Variants in STK31 observed in about 807,000 individuals in gnomAD.
The protein encoded by STK31 is serine/threonine-protein kinase 31.
STK31 carries 89 observed loss-of-function variants against 129.7 expected under a neutral mutation model. The ratio of observed to expected loss-of-function variants is 0.69; its 90% CI spans 0.58 to 0.82. The LOEUF (loss-of-function observed/expected upper bound fraction) is 0.82, where lower values mean the gene tolerates loss of function less well. Among genes scored for constraint, STK31 ranks in the 40% least tolerant of loss-of-function variants. STK31 has a pLI of 0.00. For synonymous variants in STK31, 448 were observed against 395.3 expected (o/e 1.13, Z -1.58); for missense variants, 1,187 against 1,176.4 (o/e 1.01, Z -0.13).
chr7:23,713,629 T>G (rs1455246322), intron 3 of STK31, among the ~76,000 whole-genome samples: 2 of 152,168 alleles, frequency 1.3e-5, no homozygotes, highest in Non-Finnish European at 2.9e-5. Flanking sequence ...ACTTTTAATT[T>G]TTTTTTACTT....
At chr7:23,801,098 G>T (rs1792339609) in intron 22 of STK31, among the ~76,000 whole-genome samples, 2 of 152,150 alleles carry the variant, frequency 1.3e-5, no homozygotes. Context: ...GGGTCAGATT[G>T]TAATCGTATG....
chr7:23,775,476 C>G (rs1790480046), intron 15 of STK31, among the ~76,000 whole-genome samples: 2 of 152,082 alleles, frequency 1.3e-5, no homozygotes, highest in African/African-American at 4.8e-5. Context: ...AAAATTTTTT[C>G]CATTTGTTTG....
At chr7:23,710,479 G>T (rs1785874284) in intron 1 of STK31, 144 bp downstream of exon 1, 1 of 1,522,930 alleles carries the variant, frequency 6.6e-7, no homozygotes, top group African/African-American at 1.4e-5. Flanking sequence ...CACCCCAGAG[G>T]GGTGCCAGAT....
At chr7:23,777,801 C>G (rs1367280376) in intron 15 of STK31, among the ~76,000 whole-genome samples, 1 of 151,908 alleles carries the variant, frequency 6.6e-6, no homozygotes, top group African/African-American at 2.4e-5. Flanking sequence ...TTTGCCAGTC[C>G]TTGTCTTTTA....
chr7:23,757,185 A>G (rs1479151383), intron 10 of STK31, among the ~76,000 whole-genome samples: 1 of 152,034 alleles, frequency 6.6e-6, no homozygotes, highest in Non-Finnish European at 1.5e-5. Context: ...TTATTGGTCT[A>G]TTCAGGGATT....
At chr7:23,712,938 A>T (rs1425905186) in intron 3 of STK31, among the ~76,000 whole-genome samples, 1 of 152,206 alleles carries the variant, frequency 6.6e-6, no homozygotes, top group African/African-American at 2.4e-5. Flanking sequence ...TACTCCCTAC[A>T]GCATGGGAAC....
intron 8 of STK31, among the ~76,000 whole-genome samples, chr7:23,743,684 A>G (rs1245366515): frequency 6.6e-6 from 1 of 152,086 alleles, no homozygotes; most frequent in Non-Finnish European, 1.5e-5. Context: ...CTCTTGCTAG[A>G]CTTGGGAAGT....
At chr7:23,776,715 C>T (rs1236609520) in intron 15 of STK31, among the ~76,000 whole-genome samples, 1 of 151,970 alleles carries the variant, frequency 6.6e-6, no homozygotes, top group East Asian at 1.9e-4. Flanking sequence ...TTTGATTCTT[C>T]TTTATTAGTC....
chr7:23,730,609 T>C (rs1321548285), intron 6 of STK31, among the ~76,000 whole-genome samples: 4 of 151,794 alleles, frequency 2.6e-5, no homozygotes, highest in Non-Finnish European at 5.9e-5. Context: ...TATAGGGAAA[T>C]TGTAGTCTAG....
chr7:23,824,073 C>T (rs953214047), intron 23 of STK31, among the ~76,000 whole-genome samples: 4 of 152,112 alleles, frequency 2.6e-5, no homozygotes, highest in Non-Finnish European at 5.9e-5. Context: ...ATTGACTTGG[C>T]AATGCGGGCT....
chr7:23,817,563 T>C (rs1793548983), intron 23 of STK31, among the ~76,000 whole-genome samples: 1 of 152,204 alleles, frequency 6.6e-6, no homozygotes, highest in South Asian at 2.1e-4. Flanking sequence ...ACCTTACAGA[T>C]ACCATACCAC....
At chr7:23,800,952 A>G (rs1181684706) in intron 22 of STK31, among the ~76,000 whole-genome samples, 2 of 152,052 alleles carry the variant, frequency 1.3e-5, no homozygotes, top group African/African-American at 2.4e-5. Context: ...TTGTTTGTTC[A>G]CCTGTTGCAG....
chr7:23,784,569 G>T (rs1791145576), intron 17 of STK31, among the ~76,000 whole-genome samples: 1 of 152,024 alleles, frequency 6.6e-6, no homozygotes, highest in South Asian at 2.1e-4. Flanking sequence ...TAAAAGGTTT[G>T]ACTCATGGTT....
intron 23 of STK31, among the ~76,000 whole-genome samples, chr7:23,816,053 T>G (rs929745563): frequency 3.3e-5 from 5 of 152,106 alleles, no homozygotes; most frequent in African/African-American, 1.2e-4. Flanking sequence ...TATAATACCT[T>G]CTAATGTCCC....
At chr7:23,720,203 C>CATGG (rs1205960626) in intron 4 of STK31, among the ~76,000 whole-genome samples, 1 of 152,148 alleles carries the variant, frequency 6.6e-6, no homozygotes, top group Non-Finnish European at 1.5e-5. Context: ...GTGAAATGAA[C>CATGG]ATGGCATGGG....
chr7:23,821,695 C>A (rs1793793501), intron 23 of STK31, among the ~76,000 whole-genome samples: 1 of 151,984 alleles, frequency 6.6e-6, no homozygotes, highest in South Asian at 2.1e-4. Context: ...GTTGCCTGTG[C>A]TTTTGAGGTC....
rs1793012395 is a variant in STK31 at position 23,810,403 on chromosome 7, T to G, written c.2761-4741T>G. ...AGGCCATTTACATTTAGGGTAATTA[T>G]TGATATTTTAGGGCTTAAATCTACC... On this transcript the variant is annotated intron_variant, in intron 22 of 23. Transcript: ENST00000355870. 2.7e-5 allele frequency among the ~76,000 whole-genome samples: 4 copies of G among 150,694 alleles called. No individual in the cohort carries two copies. In the South Asian group the frequency reaches 8.3e-4, roughly 31 times the overall value.
chr7:23,753,792 C>T (rs1292373998), intron 9 of STK31, among the ~76,000 whole-genome samples: 1 of 152,014 alleles, frequency 6.6e-6, no homozygotes, highest in African/African-American at 2.4e-5. Context: ...GTATAGGACA[C>T]GTATATTTTA....
chr7:23,715,383 C>T (rs776247960), intron 3 of STK31, among the ~76,000 whole-genome samples: 2 of 151,158 alleles, frequency 1.3e-5, no homozygotes, highest in African/African-American at 2.4e-5. Flanking sequence ...TTTGGGAGAC[C>T]TATGTGAGAG....
Sources: gnomAD v4.1 joint callset for allele counts (sites outside exome capture counted in the v4.1 genomes callset) on GRCh38, gnomAD v4.1.1 for gene constraint, MANE v1.5 for transcripts, NCBI Gene and HGNC (gene_info 2026-07-23, HGNC 2026-07-21) for gene names.